TRAPPC8: variants seen among roughly 807,000 people sequenced by gnomAD.
The protein encoded by TRAPPC8 is trafficking protein particle complex subunit 8, also known as general sporulation gene 1 homolog.
Under a neutral mutation model 174.3 loss-of-function variants are expected in TRAPPC8, and 54 were observed. The observed-to-expected ratio is 0.31, with a 90% CI of 0.25 to 0.39. The LOEUF is 0.39. TRAPPC8 is among the 10% of genes least tolerant of loss of function. TRAPPC8 has a pLI of 1.00. For missense variants in TRAPPC8, 1,531 were observed against 1,699.1 expected (o/e 0.90, Z 1.74); for synonymous variants, 630 against 579.9 (o/e 1.09, Z -1.24).
In TRAPPC8 at chr18:31,832,099, C is replaced by T. The variant is rs201057143; in HGVS notation, c.4058G>A (p.Arg1353Gln). Residue 1353 changes from arginine (R) to glutamine (Q), a missense_variant, in exon 28 of 29, where the codon CGG becomes CAG. Transcript: ENST00000283351. ...AAATCTTTACCTTGTTGTTTTATGC[C>T]GAAGATCAACTATGACATCTACATC... is the stretch of plus-strand genomic sequence containing the variant. ...KADVDVIVDL[R>Q]HKTTSPEALE... 1.3e-6 allele frequency: 2 copies of T among 1,544,048 alleles called. No individual in the cohort carries two copies. Among genetic ancestry groups the T allele is most frequent in the African/African-American group, 2.8e-5 (2 of 70,408 alleles).
At chr18:31,882,679 C>T (rs532200616) in intron 12 of TRAPPC8, among the ~76,000 whole-genome samples, 3 of 151,920 alleles carry the variant, frequency 2.0e-5, no homozygotes, top group Non-Finnish European at 4.4e-5. Context: ...TGAAGTGGCA[C>T]GATCTCGGCC....
chr18:31,932,935 T>C (rs530134750), intron 1 of TRAPPC8, among the ~76,000 whole-genome samples: 1 of 142,638 alleles, frequency 7.0e-6, no homozygotes, highest in South Asian at 2.3e-4. Flanking sequence ...AGGCGGAGGG[T>C]TGCAGTGAGC....
intron 11 of TRAPPC8, chr18:31,896,218 A>G (rs1364708139): frequency 6.6e-6 from 1 of 152,180 alleles, no homozygotes; most frequent in Admixed American, 6.6e-5. Flanking sequence ...TAGGCAAAGC[A>G]AAAGGAAAAA....
intron 12 of TRAPPC8, among the ~76,000 whole-genome samples, chr18:31,886,611 G>A (rs901992349): frequency 2.0e-5 from 3 of 151,970 alleles, no homozygotes; most frequent in Non-Finnish European, 4.4e-5. Context: ...TTTTTTTACT[G>A]ACTACTTTCA....
At chr18:31,897,971 C>A in intron 10 of TRAPPC8, 80 bp from the exon 11 acceptor site, 1 of 1,248,966 alleles carries the variant, frequency 8.0e-7, no homozygotes, top group South Asian at 1.5e-5. Flanking sequence ...GCAAAAGATT[C>A]CAATTACAGT....
chr18:31,868,521 G>A (rs1362270458), intron 16 of TRAPPC8, among the ~76,000 whole-genome samples: 1 of 152,108 alleles, frequency 6.6e-6, no homozygotes, highest in Non-Finnish European at 1.5e-5. Context: ...CTCATACTGA[G>A]TATTCCAGGC....
At chr18:31,865,745 G>A (rs1355297365) in intron 18 of TRAPPC8, among the ~76,000 whole-genome samples, 1 of 151,558 alleles carries the variant, frequency 6.6e-6, no homozygotes, top group Non-Finnish European at 1.5e-5. Context: ...GATTCAAAAA[G>A]CTGTTAATAT....
intron 26 of TRAPPC8, among the ~76,000 whole-genome samples, chr18:31,844,770 C>T (rs2033300675): frequency 6.6e-6 from 1 of 151,350 alleles, no homozygotes; most frequent in African/African-American, 2.4e-5. Context: ...TTTATACCAC[C>T]TCAAATTATC....
intron 1 of TRAPPC8, among the ~76,000 whole-genome samples, chr18:31,932,456 A>AAC (rs1568152905): frequency 7.3e-5 from 11 of 151,372 alleles, no homozygotes; most frequent in South Asian, 2.1e-4. Context: ...ACAACAACAA[A>AAC]AAAACAATGT....
At chr18:31,879,435 C>T (rs1362278005) in intron 12 of TRAPPC8, among the ~76,000 whole-genome samples, 1 of 152,034 alleles carries the variant, frequency 6.6e-6, no homozygotes, top group Admixed American at 6.6e-5. Context: ...CAAATGAACA[C>T]AGAAACACAA....
At chr18:31,939,082 CAA>C (rs397963630) in intron 1 of TRAPPC8, among the ~76,000 whole-genome samples, 25 of 68,090 alleles carry the variant, frequency 3.7e-4, no homozygotes, top group South Asian at 8.3e-4. Flanking sequence ...GACTCCGTCT[CAA>C]AAAAAAAAAA....
At chr18:31,874,242 T>G (rs2035030890) in intron 13 of TRAPPC8, 1 of 486,324 alleles carries the variant, frequency 2.1e-6, no homozygotes. Flanking sequence ...TTTTTTAAGA[T>G]TCTAAGAACA....
At chr18:31,942,582 A>C (rs768467391) in intron 1 of TRAPPC8, 26 bp downstream of exon 1, 2 of 1,499,276 alleles carry the variant, frequency 1.3e-6, no homozygotes, top group Non-Finnish European at 1.8e-6. Context: ...GCGGGAGCCC[A>C]CTGGAAAAGG....
chr18:31,855,519 T>G, intron 21 of TRAPPC8, 141 bp downstream of exon 21: 3 of 670,856 alleles, frequency 4.5e-6, no homozygotes, highest in African/African-American at 1.9e-5. Flanking sequence ...AGAATTAAGA[T>G]GATTTCATAC....
At chr18:31,865,271 GA>G (rs1352800907) in intron 18 of TRAPPC8, among the ~76,000 whole-genome samples, 1 of 151,994 alleles carries the variant, frequency 6.6e-6, no homozygotes, top group Non-Finnish European at 1.5e-5. Flanking sequence ...ACTGCACAAA[GA>G]AAATTAAATA....
Position 31,839,305 on chromosome 18 carries a change from C to G in TRAPPC8, c.3983+7G>C, listed in dbSNP as rs371294854. ...GAAAATTTTGGTAACAAAAATAAAG[C>G]TCAAACCTTTTTTGATGAAATGGAT... On this transcript the variant is annotated splice_region_variant and intron_variant, in intron 27 of 28. Coordinates refer to ENST00000283351, the MANE Select transcript of TRAPPC8 (RefSeq NM_014939.5). 4 of 1,591,098 alleles carry G rather than the reference C, an allele frequency of 2.5e-6. No homozygotes were observed. In the East Asian group the frequency reaches 6.7e-5, roughly 27 times the overall value.
At chr18:31,928,178 TAAAATA>T (rs1568147768) in intron 2 of TRAPPC8, among the ~76,000 whole-genome samples, 7 of 150,406 alleles carry the variant, frequency 4.7e-5, no homozygotes, top group South Asian at 2.1e-4. Flanking sequence ...TAAAATAAAA[TAAAATA>T]AAATTAAAAT....
intron 22 of TRAPPC8, 89 bp from the exon 23 acceptor site, chr18:31,852,752 T>G (rs376114356): frequency 1.2e-5 from 12 of 1,001,766 alleles, no homozygotes; most frequent in Non-Finnish European, 1.8e-5. Flanking sequence ...TTGGTCAAAA[T>G]AGAAAATAAT....
intron 12 of TRAPPC8, among the ~76,000 whole-genome samples, chr18:31,885,634 A>G (rs959488223): frequency 2.0e-5 from 3 of 151,988 alleles, no homozygotes; most frequent in African/African-American, 7.2e-5. Context: ...CGAGGTGGGC[A>G]GATCACCTGA....
Sources: gnomAD v4.1 joint callset for allele counts (sites outside exome capture counted in the v4.1 genomes callset) on GRCh38, gnomAD v4.1.1 for gene constraint, MANE v1.5 for transcripts, NCBI Gene and HGNC (gene_info 2026-07-23, HGNC 2026-07-21) for gene names.